The following MTCL1 variants were observed in gnomAD, a reference collection of about 807,000 sequenced individuals.
MTCL1 encodes microtubule cross-linking factor 1.
In MTCL1, 79 loss-of-function variants were observed where a neutral mutation model predicts 141.4. The ratio of observed to expected loss-of-function variants is 0.56; its 90% CI spans 0.47 to 0.67. The LOEUF is 0.67. Ranked by LOEUF, MTCL1 falls within the 30% of genes least tolerant of loss-of-function variation. MTCL1 has a pLI of 0.00. For synonymous variants in MTCL1, 914 were observed against 875.8 expected (o/e 1.04, Z -0.77); for missense variants, 2,177 against 2,113.9 (o/e 1.03, Z -0.59).
rs569410604 is a variant in MTCL1, at chr18:8,725,893, C to T, written c.357+5397C>T. 2.0e-5 allele frequency among the ~76,000 whole-genome samples: 3 copies of T among 150,350 alleles called. No homozygotes were observed. The East Asian group carries it at 5.9e-4, about 29-fold the overall frequency. The stretch of plus-strand genomic sequence containing the variant: ...CAAGCTCTGCCTCCCGGGTTCACGC[C>T]ATTCTCCTGCCTCAGCCTCCGGAGC... On this transcript the variant is annotated intron_variant, in intron 4 of 16. Coordinates refer to ENST00000359865, the Ensembl canonical transcript of MTCL1.
At chr18:8,754,924 C>A (rs1026368710) in intron 4 of MTCL1, among the ~76,000 whole-genome samples, 1 of 152,138 alleles carries the variant, frequency 6.6e-6, no homozygotes, top group African/African-American at 2.4e-5. Flanking sequence ...ACTCCCTGGT[C>A]CTTTTTACCT....
chr18:8,745,960 G>A (rs2096334948), intron 4 of MTCL1, among the ~76,000 whole-genome samples: 1 of 152,108 alleles, frequency 6.6e-6, no homozygotes, highest in Non-Finnish European at 1.5e-5. Context: ...GCTATTCTGT[G>A]TACCTCATAT....
At chr18:8,825,940 C>G (rs1443337535) in exon 15 of MTCL1, 2 of 1,601,510 alleles carry the variant, frequency 1.2e-6, no homozygotes, top group Non-Finnish European at 1.7e-6. Context: ...GAGCCCCGAC[C>G]AGAGCTGGGC....
upstream of MTCL1, among the ~76,000 whole-genome samples, chr18:8,712,991 T>A (rs1201222432): frequency 2.6e-5 from 4 of 152,126 alleles, no homozygotes; most frequent in African/African-American, 9.7e-5. Context: ...AGAGTTTTCA[T>A]CACTTATACT....
At chr18:8,707,681 T>G (rs1343416957) in intron 1 of MTCL1, 1 of 152,438 alleles carries the variant, frequency 6.6e-6, no homozygotes, top group East Asian at 1.9e-4. Flanking sequence ...TAAGTCTTAA[T>G]GAGCAGCCAA....
rs997584867 is a variant in MTCL1, at chr18:8,721,824, C to T, written c.357+1328C>T. On this transcript the variant is annotated intron_variant, in intron 4 of 16. Transcript: ENST00000359865. ...TACTAGTGCCCCTTCGTATCACAAG[C>T]TCTGTGGGGCAGGGACAGGGGCTTT... Among the ~76,000 whole-genome samples the T allele has an allele frequency of 7.2e-5, 11 of 152,356 alleles. No homozygotes were observed. In the East Asian group the frequency reaches 1.9e-3, roughly 27 times the overall value.
At position 8,779,071 on chromosome 18, in the gene MTCL1, C is replaced by T. The variant is rs574550509; in HGVS notation, c.417+1179C>T. ...TGGAGCGCCCTGGGAACTGCAGGCC[C>T]GCAACCAAAACCCAAAGGAAGCTGG... On this transcript the variant is annotated intron_variant, in intron 5 of 16. Coordinates refer to ENST00000359865, the Ensembl canonical transcript of MTCL1. The surrounding 1 kb of genome is among the most constrained non-coding windows in gnomAD (Gnocchi z 4.1). Among the ~76,000 whole-genome samples the T allele has an allele frequency of 5.1e-4, 77 of 152,330 alleles. No homozygotes were observed. The South Asian group carries it at 0.013, about 26-fold the overall frequency.
intron 1 of MTCL1, 106 bp downstream of exon 1, chr18:8,706,819 C>T: frequency 6.8e-7 from 1 of 1,478,384 alleles, no homozygotes; most frequent in South Asian, 1.3e-5. Flanking sequence ...CGCCTTCTCC[C>T]TCCTGCTCTC....
chr18:8,786,902 C>T (rs2096558242), intron 7 of MTCL1: 1 of 158,570 alleles, frequency 6.3e-6, no homozygotes, highest in African/African-American at 2.4e-5. Context: ...CACTGTAGCT[C>T]TTTCTTCTTT....
In MTCL1 at chr18:8,705,858, G is replaced by C; in HGVS notation, c.198G>C (p.Ser66=). The stretch of plus-strand genomic sequence containing the variant: ...CGCCCGGCCCGGCCGTCCCCTCCTC[G>C]GGCCGAGCCCCGGCTCCCGCCGCCC... Residue 66 remains serine, a synonymous_variant, in exon 1 of 14, where the codon TCG becomes TCC. Coordinates refer to the MTCL1 transcript ENST00000306329. The surrounding 1 kb of genome is among the most constrained non-coding windows in gnomAD (Gnocchi z 5.2). The C allele has an allele frequency of 9.5e-6, 11 of 1,155,070 alleles. No homozygotes were observed. Among genetic ancestry groups the C allele is most frequent in the Non-Finnish European group, 1.2e-5 (11 of 938,066 alleles). 71.6% of individuals were successfully genotyped at this position (1,155,070 alleles called of 1,614,324 possible). A position where few individuals can be genotyped will look rare whatever the true frequency, so the allele number is the denominator to read the frequency against.
intron 4 of MTCL1, among the ~76,000 whole-genome samples, chr18:8,775,963 A>G (rs2096506222): frequency 6.6e-6 from 1 of 152,174 alleles, no homozygotes; most frequent in South Asian, 2.1e-4. Flanking sequence ...CTTCCCACAA[A>G]TGGCAAGGGC....
intron 7 of MTCL1, among the ~76,000 whole-genome samples, chr18:8,791,540 T>C (rs1458358546): frequency 6.6e-6 from 1 of 151,632 alleles, no homozygotes; most frequent in Non-Finnish European, 1.5e-5. Context: ...GATTCAACCC[T>C]AAGACTGCAG....
rs370222270 is a variant in MTCL1 at position 8,825,130 on chromosome 18, C to T, written c.3620C>T (p.Ala1207Val). The T allele has an allele frequency of 1.3e-4, 208 of 1,589,722 alleles. 2 individuals carry two copies. The South Asian group carries it at 2.0e-3, about 15-fold the overall frequency. ...GTGCGCAGGGTCGACAGCATCACGG[C>T]GGCAGGTGGTGAGGGTCCCTTTCCC... The change falls in exon 15 of 17, where the codon GCG becomes GTG. Residue 1207 changes from alanine (A) to valine (V), a missense_variant. Transcript: ENST00000359865.
exon 17 of MTCL1, chr18:8,831,733 C>G (rs1211031480): frequency 6.4e-7 from 1 of 1,550,592 alleles, no homozygotes. Context: ...GCCTCAGTCA[C>G]CCGGAGACCC....
rs1598410920 is a variant in MTCL1, at chr18:8,728,717, A to ATTT, written c.357+8223_357+8224insTTT. On this transcript the variant is annotated intron_variant, in intron 4 of 16. Transcript: ENST00000359865. ...CATGTGGGGCCTTCTTATGTTGTCCATTCTTTTTTTTTTTTTTTTTTTTTT... is the reference window on the plus strand; with the variant it reads ...CATGTGGGGCCTTCTTATGTTGTCCATTTTTCTTTTTTTTTTTTTTTTTTTTTT... Among the ~76,000 whole-genome samples, 6 of 68,064 alleles carry ATTT rather than the reference A, an allele frequency of 8.8e-5. 1 individual carries two copies. The highest frequency in any genetic ancestry group is 8.0e-4 in the East Asian group (2 of 2,504). The allele number at this position is 68,064 out of a possible 152,430, so 44.7% of individuals were successfully genotyped here.
chr18:8,729,806 T>G (rs1416923141), intron 4 of MTCL1, among the ~76,000 whole-genome samples: 2 of 151,386 alleles, frequency 1.3e-5, no homozygotes, highest in Non-Finnish European at 2.9e-5. Flanking sequence ...AGGGCAAAAG[T>G]TTTTAGTTTA....
chr18:8,744,610 C>A (rs1476398431), intron 4 of MTCL1, among the ~76,000 whole-genome samples: 1 of 151,986 alleles, frequency 6.6e-6, no homozygotes, highest in Non-Finnish European at 1.5e-5. Context: ...TTTTAATTTT[C>A]TTTTCTTTTC....
At chr18:8,824,989 G>A in exon 15 of MTCL1, 2 of 1,613,376 alleles carry the variant, frequency 1.2e-6, no homozygotes, top group Non-Finnish European at 1.7e-6. Flanking sequence ...CTAACCACAA[G>A]TGTCACCATG....
chr18:8,737,374 G>C (rs1345987277), intron 4 of MTCL1, among the ~76,000 whole-genome samples: 1 of 152,214 alleles, frequency 6.6e-6, no homozygotes, highest in Non-Finnish European at 1.5e-5. Context: ...GAAGCTACCT[G>C]TGGTAATCTC....
Sources: gnomAD v4.1 joint callset for allele counts (sites outside exome capture counted in the v4.1 genomes callset) on GRCh38, gnomAD v4.1.1 for gene constraint, Gnocchi (gnomAD v3.1) non-coding constraint, MANE v1.5 for transcripts, NCBI Gene and HGNC (gene_info 2026-07-23, HGNC 2026-07-21) for gene names.